SYT1: variants seen among roughly 807,000 people sequenced by gnomAD.
SYT1 encodes the protein synaptotagmin 1.
In SYT1, 8 loss-of-function variants were observed where a neutral mutation model predicts 44.8. The ratio of observed to expected loss-of-function variants is 0.18; its 90% confidence interval spans 0.10 to 0.32. The LOEUF (loss-of-function observed/expected upper bound fraction) is 0.32, where lower values mean the gene tolerates loss of function less well. Ranked by LOEUF, SYT1 falls within the 10% of genes least tolerant of loss-of-function variation. The pLI is 1.00. For missense variants in SYT1, 286 were observed against 509.3 expected (o/e 0.56, Z 4.22); for synonymous variants, 154 against 188.8 (o/e 0.82, Z 1.51).
chr12:78,973,941 ATATATATATATATAT>A (rs1868616015), intron 1 of SYT1, among the ~76,000 whole-genome samples: 7 of 10,748 alleles, frequency 6.5e-4, no homozygotes, highest in Admixed American at 1.7e-3. Flanking sequence ...AAAAAAAAAT[ATATATATATATATAT>A]ATATATATAT....
chr12:79,044,708 T>A (rs1186462009), intron 2 of SYT1, among the ~76,000 whole-genome samples: 3 of 148,486 alleles, frequency 2.0e-5, no homozygotes, highest in African/African-American at 5.0e-5. Context: ...GGCACTCTGC[T>A]TTTTAGAGTT....
intron 4 of SYT1, among the ~76,000 whole-genome samples, chr12:79,238,691 T>C (rs567018192): frequency 1.3e-5 from 2 of 152,254 alleles, no homozygotes; most frequent in South Asian, 2.1e-4. Flanking sequence ...CTAACTCTCC[T>C]GCCTACTTCC....
chr12:78,928,775 AG>A (rs1877448955), intron 1 of SYT1, among the ~76,000 whole-genome samples: 1 of 152,192 alleles, frequency 6.6e-6, no homozygotes, highest in Admixed American at 6.5e-5. Context: ...TCAGCTACTC[AG>A]AATGATGTGC....
chr12:78,971,072 G>C (rs1360961137), intron 1 of SYT1, among the ~76,000 whole-genome samples: 2 of 152,168 alleles, frequency 1.3e-5, no homozygotes, highest in African/African-American at 2.4e-5. Flanking sequence ...GCTGAGGCAG[G>C]AGAATTGCTT....
intron 1 of SYT1, among the ~76,000 whole-genome samples, chr12:78,885,940 T>A (rs1409198044): frequency 6.6e-6 from 1 of 152,016 alleles, no homozygotes; most frequent in East Asian, 1.9e-4. Context: ...TTTTATGTAT[T>A]TCCTAGATTT....
At chr12:79,257,256 A>G (rs1197709041) in intron 4 of SYT1, among the ~76,000 whole-genome samples, 2 of 152,364 alleles carry the variant, frequency 1.3e-5, no homozygotes, top group East Asian at 1.9e-4. Flanking sequence ...TTCTCATACC[A>G]TAAATCAGCA....
chr12:79,169,102 A>T (rs1257300756), intron 3 of SYT1, among the ~76,000 whole-genome samples: 2 of 151,986 alleles, frequency 1.3e-5, no homozygotes, highest in Non-Finnish European at 2.9e-5. Context: ...GAAGTCTGTG[A>T]TTTTCTCCAT....
intron 1 of SYT1, among the ~76,000 whole-genome samples, chr12:78,866,076 C>T (rs957119852): frequency 5.3e-5 from 8 of 152,172 alleles, no homozygotes; most frequent in African/African-American, 1.4e-4. Flanking sequence ...AGCTAATCTT[C>T]TAGTTAGCTT....
At chr12:79,282,895 TA>T (rs1879122301) in intron 4 of SYT1, among the ~76,000 whole-genome samples, 1 of 152,184 alleles carries the variant, frequency 6.6e-6, no homozygotes. Flanking sequence ...AGGTCTTCAA[TA>T]AACTTTTAGC....
At chr12:79,323,116 CTCT>C (rs1881444588) in intron 8 of SYT1, among the ~76,000 whole-genome samples, 1 of 151,396 alleles carries the variant, frequency 6.6e-6, no homozygotes, top group South Asian at 2.1e-4. Context: ...TGCATTTTCT[CTCT>C]TTTTTTTTTT....
chr12:79,332,476 C>T (rs918956990), intron 8 of SYT1, among the ~76,000 whole-genome samples: 1 of 152,166 alleles, frequency 6.6e-6, no homozygotes, highest in Non-Finnish European at 1.5e-5. Context: ...TTCTCTGTAA[C>T]TCTACCACAA....
At chr12:79,335,814 G>A (rs1332551594) in intron 8 of SYT1, among the ~76,000 whole-genome samples, 1 of 152,092 alleles carries the variant, frequency 6.6e-6, no homozygotes, top group Admixed American at 6.5e-5. Context: ...GGACATCTCT[G>A]GCTGTTCCAG....
At chr12:79,243,892 GGAAGGAAGGAAGGAA>G (rs1294462954) in intron 4 of SYT1, among the ~76,000 whole-genome samples, 2 of 151,322 alleles carry the variant, frequency 1.3e-5, no homozygotes, top group East Asian at 3.9e-4. Context: ...AAGGAAGGCA[GGAAGGAAGGAAGGAA>G]GGAAGGAAAT....
chr12:79,001,153 A>G (rs1870713240), intron 2 of SYT1, among the ~76,000 whole-genome samples: 2 of 152,170 alleles, frequency 1.3e-5, no homozygotes, highest in African/African-American at 4.8e-5. Flanking sequence ...TTCAGTAGCT[A>G]AAAATTGCCA....
intron 8 of SYT1, among the ~76,000 whole-genome samples, chr12:79,349,913 C>A (rs185091638): frequency 2.4e-3 from 369 of 152,254 alleles, no homozygotes; most frequent in African/African-American, 8.5e-3. Context: ...TCTTCTAATT[C>A]TTCTATGTTG....
At chr12:79,390,659 T>C (rs989775641) in intron 9 of SYT1, among the ~76,000 whole-genome samples, 3 of 152,210 alleles carry the variant, frequency 2.0e-5, no homozygotes, top group African/African-American at 4.8e-5. Context: ...ATTTCCAATA[T>C]AGTTATGCCA....
chr12:79,439,470 A>C (rs1447395254), intron 9 of SYT1, among the ~76,000 whole-genome samples: 1 of 152,142 alleles, frequency 6.6e-6, no homozygotes, highest in African/African-American at 2.4e-5. Context: ...ATAAATTGGT[A>C]CTGGGATAGC....
chr12:79,405,745 G>C (rs756928676), intron 9 of SYT1, among the ~76,000 whole-genome samples: 1 of 152,144 alleles, frequency 6.6e-6, no homozygotes, highest in African/African-American at 2.4e-5. Flanking sequence ...ACTCTATGAT[G>C]CCATCAGGGA....
At chr12:79,251,917 A>T (rs1011404694) in intron 4 of SYT1, among the ~76,000 whole-genome samples, 24 of 150,914 alleles carry the variant, frequency 1.6e-4, no homozygotes, top group Non-Finnish European at 3.0e-4. Flanking sequence ...ATGGAGTTTT[A>T]TTTTTTTTTC....
Sources: gnomAD v4.1 joint callset for allele counts (sites outside exome capture counted in the v4.1 genomes callset) on GRCh38, gnomAD v4.1.1 for gene constraint, MANE v1.5 for transcripts, NCBI Gene and HGNC (gene_info 2026-07-23, HGNC 2026-07-21) for gene names.